FRAS1: variants seen among roughly 807,000 people sequenced by gnomAD.
The protein encoded by FRAS1 is extracellular matrix organizing protein FRAS1.
In FRAS1, 290 loss-of-function variants were observed where a neutral mutation model predicts 435.2. The observed-to-expected ratio is 0.67, with a 90% CI of 0.61 to 0.73. The LOEUF is 0.73. Ranked by LOEUF, FRAS1 falls within the 30% of genes least tolerant of loss-of-function variation. The probability of loss-of-function intolerance (pLI) is 0.00; values close to 1 mark genes in which losing one functional copy is unlikely to be tolerated. For missense variants in FRAS1, 4,860 were observed against 5,001.5 expected, an observed-to-expected ratio of 0.97 and a Z score of 0.85; for synonymous variants, 1,800 against 1,851.0, an observed-to-expected ratio of 0.97 and a Z score of 0.71.
intron 7 of FRAS1, 142 bp downstream of exon 7, chr4:78,265,250 C>G: frequency 1.8e-6 from 1 of 543,100 alleles, no homozygotes; most frequent in Non-Finnish European, 3.3e-6. Context: ...CAGCTTTTCT[C>G]TTCTCTTCAC....
chr4:78,188,497 C>G (rs1722383644), intron 2 of FRAS1, among the ~76,000 whole-genome samples: 1 of 152,164 alleles, frequency 6.6e-6, no homozygotes, highest in Non-Finnish European at 1.5e-5. Flanking sequence ...ATTTTTTCCT[C>G]CTCAGGGAAA....
intron 2 of FRAS1, among the ~76,000 whole-genome samples, chr4:78,222,713 G>C (rs764409457): frequency 6.6e-6 from 1 of 152,108 alleles, no homozygotes; most frequent in Non-Finnish European, 1.5e-5. Context: ...GTTGCGGTGG[G>C]TCTCCTAATT....
Position 78,400,881 on chromosome 4 carries a change from C to G in FRAS1, c.4123C>G (p.Gln1375Glu), listed in dbSNP as rs763393964. ...IIYKITQDYP[Q>E]FGEVVLLVNM... ...CTACAAGATTACACAAGACTACCCC[C>G]AGTTTGGTAACTATTTTTTCCTTTG... The change falls in exon 30 of 74, where the codon CAG becomes GAG. Residue 1375 changes from glutamine to glutamate, a missense_variant. By Grantham distance (29) the Gln-to-Glu change is conservative (BLOSUM62 2). Transcript: ENST00000512123. 1.2e-6 allele frequency: 2 copies of G among 1,613,438 alleles called. No individual in the cohort carries two copies. Among genetic ancestry groups the G allele is most frequent in the South Asian group, 2.2e-5 (2 of 90,944 alleles).
Position 78,432,559 on chromosome 4 carries a change from C to T in FRAS1, c.5172C>T (p.Ala1724=), listed in dbSNP as rs1295694168. 1.2e-6 allele frequency: 2 copies of T among 1,609,818 alleles called. No individual in the cohort carries two copies. The highest frequency in any genetic ancestry group is 2.2e-5 in the East Asian group (1 of 44,842). The change falls in exon 38 of 74, where the codon GCC becomes GCT. Residue 1724 remains alanine (A), a synonymous_variant. Transcript: ENST00000512123. ...AAGSSLSITV[A]SKSTAIITRS... ...GCTCCTCTCTGAGCATTACTGTTGCCAGTAAAAGCACAGCCATAATCACTA... is the reference window on the plus strand; with the variant it reads ...GCTCCTCTCTGAGCATTACTGTTGCTAGTAAAAGCACAGCCATAATCACTA...
intron 2 of FRAS1, among the ~76,000 whole-genome samples, chr4:78,083,633 T>TTTTTG (rs1553917272): frequency 2.0e-5 from 3 of 150,266 alleles, no homozygotes; most frequent in African/African-American, 7.4e-5. Context: ...TCTGTTTTTT[T>TTTTTG]TTTTTTTTTT....
intron 2 of FRAS1, among the ~76,000 whole-genome samples, chr4:78,220,578 A>AT (rs1724011059): frequency 6.6e-6 from 1 of 152,156 alleles, no homozygotes; most frequent in African/African-American, 2.4e-5. Flanking sequence ...TGTAGTGGCG[A>AT]TTTTTCTGTA....
intron 47 of FRAS1, among the ~76,000 whole-genome samples, chr4:78,456,069 G>A (rs1359268437): frequency 1.3e-5 from 2 of 151,112 alleles, no homozygotes; most frequent in Non-Finnish European, 2.9e-5. Flanking sequence ...CCAGCAGGAA[G>A]AAAGAAAAGG....
At chr4:78,237,814 A>G (rs1464570891) in intron 3 of FRAS1, among the ~76,000 whole-genome samples, 197 bp downstream of exon 3, 2 of 152,224 alleles carry the variant, frequency 1.3e-5, no homozygotes, top group African/African-American at 4.8e-5. Flanking sequence ...ATATCAAAGA[A>G]CATCCCAATT....
intron 47 of FRAS1, among the ~76,000 whole-genome samples, chr4:78,459,634 G>T (rs1406172823): frequency 6.6e-6 from 1 of 152,224 alleles, no homozygotes; most frequent in Non-Finnish European, 1.5e-5. Context: ...TGAGAGCAGA[G>T]GCATATTAGC....
chr4:78,380,030 C>T, intron 27 of FRAS1, 34 bp downstream of exon 27: 1 of 1,599,320 alleles, frequency 6.3e-7, no homozygotes, highest in East Asian at 2.2e-5. Context: ...CTTCCTGCCT[C>T]CTTTCCATCA....
chr4:78,303,851 T>G (rs1728556115), intron 14 of FRAS1, among the ~76,000 whole-genome samples: 1 of 149,404 alleles, frequency 6.7e-6, no homozygotes, highest in African/African-American at 2.4e-5. Flanking sequence ...CTTTATTTCC[T>G]TCTCCTGCCT....
At chr4:78,503,390 A>T (rs566178329) in intron 61 of FRAS1, among the ~76,000 whole-genome samples, 23 of 152,148 alleles carry the variant, frequency 1.5e-4, no homozygotes, top group Non-Finnish European at 2.6e-4. Context: ...TCAATTTCAG[A>T]GCCTGTTATT....
Position 78,542,912 on chromosome 4 carries a change from C to T in FRAS1, c.*1788C>T, listed in dbSNP as rs1240574704. Reference sequence around the variant, plus strand: ...CTTTTCTTGGAGGAAAGAAACACCGCTTTACAAAGGCATGACTCTGGCGGT... The same window carrying T: ...CTTTTCTTGGAGGAAAGAAACACCGTTTTACAAAGGCATGACTCTGGCGGT... On this transcript the variant is annotated 3_prime_UTR_variant, in exon 74 of 74. Transcript: ENST00000512123. 2.0e-5 allele frequency: 3 copies of T among 152,138 alleles called. No individual in the cohort carries two copies. Among genetic ancestry groups the T allele is most frequent in the African/African-American group, 7.2e-5 (3 of 41,412 alleles). 9.4% of individuals were successfully genotyped at this position (152,138 alleles called of 1,614,324 possible). A position where few individuals can be genotyped will look rare whatever the true frequency, so the allele number is the denominator to read the frequency against.
intron 2 of FRAS1, among the ~76,000 whole-genome samples, chr4:78,087,402 A>G (rs1741243059): frequency 6.6e-6 from 1 of 152,186 alleles, no homozygotes; most frequent in Non-Finnish European, 1.5e-5. Context: ...CCTATTCAAC[A>G]TAGTGTTGGA....
In FRAS1 at chr4:78,085,920, C is replaced by A. The variant is rs1344354357; in HGVS notation, c.108+19904C>A. Reference sequence around the variant, plus strand: ...GAATTGAACTCAGCTCTGCACCAAGCGGACCTAATAGACACCTACAGAACT... The same window carrying A: ...GAATTGAACTCAGCTCTGCACCAAGAGGACCTAATAGACACCTACAGAACT... On this transcript the variant is annotated intron_variant, in intron 2 of 73. Transcript: ENST00000512123. 2.0e-5 allele frequency among the ~76,000 whole-genome samples: 3 copies of A among 152,122 alleles called. No homozygotes were observed. The East Asian group carries it at 5.8e-4, about 29-fold the overall frequency.
In FRAS1 at chr4:78,287,793, G is replaced by A. The variant is rs1368373288; in HGVS notation, c.1534+1254G>A. Reference sequence around the variant, plus strand: ...ATTCCAGGTAATGGTCAGAAGCGGAGCTCATGGGGTTGTGGAAACCATGTT... The same window carrying A: ...ATTCCAGGTAATGGTCAGAAGCGGAACTCATGGGGTTGTGGAAACCATGTT... On this transcript the variant is annotated intron_variant, in intron 14 of 73. Transcript: ENST00000512123. Among the ~76,000 whole-genome samples the A allele has an allele frequency of 2.6e-5, 4 of 152,308 alleles. No homozygotes were observed. In the East Asian group the frequency reaches 7.7e-4, roughly 29 times the overall value.
At chr4:78,310,528 C>T (rs1221560941) in intron 15 of FRAS1, among the ~76,000 whole-genome samples, 1 of 152,136 alleles carries the variant, frequency 6.6e-6, no homozygotes, top group Non-Finnish European at 1.5e-5. Flanking sequence ...TGACATTAGT[C>T]AACCAATGAA....
chr4:78,415,457 T>C (rs1560714380), intron 32 of FRAS1, among the ~76,000 whole-genome samples: 1 of 152,158 alleles, frequency 6.6e-6, no homozygotes, highest in South Asian at 2.1e-4. Flanking sequence ...GGATCTGGTG[T>C]AGGGTCAAGA....
intron 4 of FRAS1, among the ~76,000 whole-genome samples, chr4:78,246,588 A>G (rs1175021166): frequency 6.6e-6 from 1 of 152,218 alleles, no homozygotes; most frequent in East Asian, 1.9e-4. Flanking sequence ...ATCCCTATGA[A>G]CTGAAAAGTG....
Sources: allele counts gnomAD v4.1 joint callset (sites outside exome capture counted in the v4.1 genomes callset), GRCh38; gene constraint gnomAD v4.1.1; transcripts MANE v1.5; gene names NCBI Gene and HGNC (gene_info 2026-07-23, HGNC 2026-07-21).